ADGRL2: variants seen among roughly 807,000 people sequenced by gnomAD.
ADGRL2 encodes adhesion G protein-coupled receptor L2, also known as calcium-independent alpha-latrotoxin receptor 2.
ADGRL2 carries 44 observed loss-of-function variants against 157.4 expected under a neutral mutation model. The ratio of observed to expected loss-of-function variants is 0.28; its 90% CI spans 0.22 to 0.36. ADGRL2 has a LOEUF of 0.36. Among genes scored for constraint, ADGRL2 ranks in the 10% least tolerant of loss-of-function variants. ADGRL2 has a pLI of 1.00. For synonymous variants in ADGRL2, 585 were observed against 624.7 expected (o/e 0.94, Z 0.95); for missense variants, 1,510 against 1,768.9 (o/e 0.85, Z 2.63).
intron 2 of ADGRL2, among the ~76,000 whole-genome samples, chr1:81,865,032 A>G (rs889529879): frequency 6.6e-6 from 1 of 152,146 alleles, no homozygotes; most frequent in Admixed American, 6.6e-5. Flanking sequence ...TACGGCTTCC[A>G]GTATACCACT....
At chr1:81,634,527 G>T (rs75285328) in intron 3 of ADGRL2, among the ~76,000 whole-genome samples, 12,533 of 116,014 alleles carry the variant, frequency 0.11, 729 homozygotes, top group African/African-American at 0.2. Flanking sequence ...TTTTTTTTTG[G>T]TTTTTTTGTT....
chr1:81,414,365 A>AT (rs1412177053), intron 1 of ADGRL2: 5 of 152,284 alleles, frequency 3.3e-5, no homozygotes, highest in Admixed American at 3.3e-4. Flanking sequence ...ATAAAAGTGA[A>AT]TTTTTTCCAT....
intron 20 of ADGRL2, 91 bp downstream of exon 20, chr1:81,984,802 CATT>C: frequency 1.5e-6 from 2 of 1,346,020 alleles, no homozygotes; most frequent in East Asian, 2.4e-5. Flanking sequence ...ATTGTCTTCT[CATT>C]ATAATGATCT....
chr1:81,498,645 CAT>C (rs928418243), intron 2 of ADGRL2, among the ~76,000 whole-genome samples: 33 of 152,304 alleles, frequency 2.2e-4, no homozygotes, highest in East Asian at 5.8e-4. Context: ...TCAGATTACA[CAT>C]GTTTGCTTGA....
intron 1 of ADGRL2, among the ~76,000 whole-genome samples, chr1:81,394,141 G>T (rs2076610819): frequency 6.6e-6 from 1 of 151,650 alleles, no homozygotes; most frequent in Non-Finnish European, 1.5e-5. Context: ...AAAAATAATG[G>T]GTGCCATAGA....
At position 81,456,936 on chromosome 1, in the gene ADGRL2, T is replaced by TAGAAG. The variant is rs1341076724; in HGVS notation, c.-248+11847_-248+11848insAGAAG. Among the ~76,000 whole-genome samples the TAGAAG allele has an allele frequency of 3.9e-5, 6 of 152,126 alleles. No homozygotes were observed. The South Asian group carries it at 8.3e-4, about 21-fold the overall frequency. On this transcript the variant is annotated intron_variant, in intron 2 of 24. Coordinates refer to the ADGRL2 transcript ENST00000370721. ...GCTTCTACTTTATTTTCATGATTCT[T>TAGAAG]CTCCCTTCCTCTCTTCTTCTCTTCC...
chr1:81,460,623 C>A (rs2077906300), intron 2 of ADGRL2, among the ~76,000 whole-genome samples: 3 of 152,128 alleles, frequency 2.0e-5, no homozygotes, highest in Admixed American at 6.6e-5. Context: ...GCATGGCTTG[C>A]AGAATTTGTG....
chr1:81,691,876 G>A lies in ADGRL2; in HGVS notation c.-142-69935G>A, dbSNP rs1425484983. 2.4e-5 allele frequency among the ~76,000 whole-genome samples: 2 copies of A among 82,260 alleles called. 1 individual carries two copies. Among genetic ancestry groups the A allele is most frequent in the African/African-American group, 9.8e-5 (2 of 20,496 alleles). 54.0% of individuals were successfully genotyped at this position (82,260 alleles called of 152,430 possible). ...CATATATATATATATGGGTGTGTGT[G>A]TGTGTATATATATATATATGTATGT... is the stretch of plus-strand genomic sequence containing the variant. On this transcript the variant is annotated intron_variant, in intron 3 of 24. Coordinates refer to the ADGRL2 transcript ENST00000370721.
At chr1:81,851,427 T>C (rs2093001099) in intron 2 of ADGRL2, among the ~76,000 whole-genome samples, 1 of 151,928 alleles carries the variant, frequency 6.6e-6, no homozygotes, top group Non-Finnish European at 1.5e-5. Flanking sequence ...TGAATATCTC[T>C]AGTCATTTCG....
At chr1:81,509,136 A>G (rs960877610) in intron 2 of ADGRL2, among the ~76,000 whole-genome samples, 9 of 152,188 alleles carry the variant, frequency 5.9e-5, no homozygotes, top group Non-Finnish European at 1.3e-4. Flanking sequence ...CTTAAAATCT[A>G]GAGTAATGGA....
intron 2 of ADGRL2, among the ~76,000 whole-genome samples, chr1:81,484,148 AT>A (rs1309588870): frequency 1.3e-5 from 2 of 152,206 alleles, no homozygotes; most frequent in Non-Finnish European, 2.9e-5. Context: ...GCTTTTATAA[AT>A]CAAAATTTAA....
intron 1 of ADGRL2, among the ~76,000 whole-genome samples, chr1:81,310,861 A>T (rs900500167): frequency 5.3e-4 from 81 of 151,932 alleles, no homozygotes; most frequent in African/African-American, 1.9e-3. Context: ...AAAAAAAAAA[A>T]AAAGGGAGGA....
At chr1:81,957,002 A>G (rs574867901) in intron 11 of ADGRL2, among the ~76,000 whole-genome samples, 3 of 152,336 alleles carry the variant, frequency 2.0e-5, no homozygotes, top group African/African-American at 4.8e-5. Flanking sequence ...AAATCAAATT[A>G]GCACCTATAT....
intron 1 of ADGRL2, among the ~76,000 whole-genome samples, chr1:81,711,239 T>C (rs2149078642): frequency 6.6e-6 from 1 of 152,352 alleles, no homozygotes; most frequent in South Asian, 2.1e-4. Flanking sequence ...TGTTGATTGT[T>C]TTCCTTGAAG....
Position 81,976,335 on chromosome 1 carries a change from T to C in ADGRL2, c.3022-3534T>C, listed in dbSNP as rs1319541886. Among the ~76,000 whole-genome samples, 87 of 152,030 alleles carry C rather than the reference T, an allele frequency of 5.7e-4. 2 individuals are homozygous for C. Among genetic ancestry groups the C allele is most frequent in the Non-Finnish European group, 5.9e-5 (4 of 67,918 alleles). On this transcript the variant is annotated intron_variant, in intron 17 of 23. Transcript: ENST00000686636. The stretch of plus-strand genomic sequence containing the variant: ...ATATTTTGTCCTCTTCCACATACCA[T>C]TGCCTCATTATTTGTATGCTTTCAA...
intron 2 of ADGRL2, among the ~76,000 whole-genome samples, chr1:81,867,290 A>G (rs941505811): frequency 6.6e-6 from 1 of 152,174 alleles, no homozygotes; most frequent in Admixed American, 6.6e-5. Context: ...GTGCTTTGCT[A>G]TACTGTTGAA....
intron 3 of ADGRL2, among the ~76,000 whole-genome samples, chr1:81,926,239 A>C (rs750455068): frequency 5.3e-5 from 8 of 152,052 alleles, no homozygotes; most frequent in Non-Finnish European, 8.8e-5. Context: ...AATGCTTGGC[A>C]TGTACAACAA....
intron 1 of ADGRL2, among the ~76,000 whole-genome samples, chr1:81,757,218 T>C (rs577365400): frequency 6.6e-6 from 1 of 152,298 alleles, no homozygotes; most frequent in South Asian, 2.1e-4. Flanking sequence ...ATGTAAAAGT[T>C]TGATTTGAAA....
At chr1:81,695,368 C>T (rs983949058), upstream of ADGRL2, among the ~76,000 whole-genome samples, 4 of 151,950 alleles carry the variant, frequency 2.6e-5, no homozygotes, top group Admixed American at 6.6e-5. Context: ...GTAAAAATTA[C>T]CAAGTAGACA....
Sources: gnomAD v4.1 joint callset for allele counts (sites outside exome capture counted in the v4.1 genomes callset) on GRCh38, gnomAD v4.1.1 for gene constraint, MANE v1.5 for transcripts, NCBI Gene and HGNC (gene_info 2026-07-23, HGNC 2026-07-21) for gene names.